N4BP2L2: variants seen among roughly 807,000 people sequenced by gnomAD.
N4BP2L2 encodes NEDD4-binding protein 2-like 2.
In N4BP2L2, 50 loss-of-function variants were observed where a neutral mutation model predicts 56.2. The observed-to-expected ratio is 0.89, with a 90% confidence interval of 0.71 to 1.13. The LOEUF (loss-of-function observed/expected upper bound fraction) is 1.13. Ranked by LOEUF, N4BP2L2 falls within the 50% of genes most tolerant of loss-of-function variation. N4BP2L2 has a pLI of 0.00. For missense variants in N4BP2L2, 689 were observed against 693.8 expected, an observed-to-expected ratio of 0.99 and a Z score of 0.08; for synonymous variants, 203 against 223.6, an observed-to-expected ratio of 0.91 and a Z score of 0.82.
Position 32,518,863 on chromosome 13 carries a change from A to G in N4BP2L2, c.1551-860T>C, listed in dbSNP as rs187296131. Among the ~76,000 whole-genome samples, 643 of 152,258 alleles carry G rather than the reference A, an allele frequency of 4.2e-3. 15 individuals are homozygous for G. Among genetic ancestry groups the G allele is most frequent in the Non-Finnish European group, 7.5e-4 (51 of 68,028 alleles). ...TATGTACTTTTCTGTATGTGAGGTT[A>G]TATGACACTAAAAAGTGGTTTAAAA... On this transcript the variant is annotated intron_variant, in intron 5 of 5. Coordinates refer to ENST00000267068, the Ensembl canonical transcript of N4BP2L2.
At chr13:32,481,289 G>T (rs2084692057) in intron 6 of N4BP2L2, among the ~76,000 whole-genome samples, 1 of 152,070 alleles carries the variant, frequency 6.6e-6, no homozygotes, top group Non-Finnish European at 1.5e-5. Flanking sequence ...TGTGGTTGAA[G>T]AGAGTGCATA....
At chr13:32,486,299 G>A (rs2085839800) in intron 6 of N4BP2L2, among the ~76,000 whole-genome samples, 1 of 152,168 alleles carries the variant, frequency 6.6e-6, no homozygotes, top group Admixed American at 6.5e-5. Context: ...AAATTGGAAA[G>A]AAAGAAGTAA....
intron 6 of N4BP2L2, among the ~76,000 whole-genome samples, chr13:32,464,065 T>C (rs1251940858): frequency 6.6e-6 from 1 of 151,272 alleles, no homozygotes; most frequent in African/African-American, 2.4e-5. Context: ...TAGGTAAATA[T>C]AAAAGTCAAT....
Position 32,492,299 on chromosome 13 carries a change from T to TTC in N4BP2L2, c.365+25557_365+25558insGA, listed in dbSNP as rs1555262907. On this transcript the variant is annotated intron_variant, in intron 6 of 9. Coordinates refer to the N4BP2L2 transcript ENST00000357505. ...TTTTTTTTTTTTTTTTTTTTTTTTT[T>TTC]TGACACAGAGTCTCGCTTTGTCGGC... is the stretch of plus-strand genomic sequence containing the variant. Among the ~76,000 whole-genome samples the TTC allele has an allele frequency of 2.5e-4, 36 of 145,610 alleles. 1 individual carries two copies. The highest frequency in any genetic ancestry group is 9.2e-4 in the African/African-American group (35 of 38,140).
chr13:32,440,915 A>G (rs2076226754), intron 7 of N4BP2L2, among the ~76,000 whole-genome samples: 1 of 137,110 alleles, frequency 7.3e-6, no homozygotes, highest in Admixed American at 7.8e-5. Context: ...CAGTGGTGTG[A>G]TCTCGGCTCA....
intron 2 of N4BP2L2, among the ~76,000 whole-genome samples, chr13:32,535,369 T>C (rs550773999): frequency 1.3e-5 from 2 of 152,338 alleles, no homozygotes; most frequent in African/African-American, 4.8e-5. Flanking sequence ...GCCATAATTA[T>C]ACGTAGTGTT....
intron 2 of N4BP2L2, among the ~76,000 whole-genome samples, chr13:32,528,379 T>A (rs2053690215): frequency 6.6e-6 from 1 of 152,220 alleles, no homozygotes; most frequent in Admixed American, 6.5e-5. Flanking sequence ...CAAAGTATAA[T>A]CAAACTTTAA....
At chr13:32,448,174 C>T (rs1248106504) in intron 6 of N4BP2L2, among the ~76,000 whole-genome samples, 1 of 152,128 alleles carries the variant, frequency 6.6e-6, no homozygotes, top group African/African-American at 2.4e-5. Flanking sequence ...ATAACAGTGA[C>T]TTGTGAAGCC....
At chr13:32,506,759 G>A (rs2091020749), downstream of N4BP2L2, 2 of 152,082 alleles carry the variant, frequency 1.3e-5, no homozygotes, top group South Asian at 2.1e-4. Flanking sequence ...GTGGTTATCA[G>A]GGCTGGAATA....
exon 2 of N4BP2L2, chr13:32,535,872 T>C (rs2056424555): frequency 6.2e-7 from 1 of 1,614,178 alleles, no homozygotes; most frequent in Non-Finnish European, 8.5e-7. Context: ...TTCACAAACC[T>C]GTCTGTTCCA....
At chr13:32,443,368 G>A (rs1849123147) in exon 7 of N4BP2L2, 2 of 1,613,890 alleles carry the variant, frequency 1.2e-6, no homozygotes, top group African/African-American at 1.3e-5. Context: ...ATGAGGTCCT[G>A]CAGGCCAGCT....
intron 6 of N4BP2L2, among the ~76,000 whole-genome samples, chr13:32,468,886 C>G (rs541558907): frequency 2.7e-4 from 41 of 152,262 alleles, no homozygotes; most frequent in Non-Finnish European, 4.4e-4. Flanking sequence ...AGCTGCTAAC[C>G]CTGTAAGGGA....
intron 2 of N4BP2L2, among the ~76,000 whole-genome samples, chr13:32,531,557 C>T (rs1386175406): frequency 6.6e-6 from 1 of 152,136 alleles, no homozygotes; most frequent in Non-Finnish European, 1.5e-5. Context: ...TTATATACTT[C>T]CTATCCTGAG....
At chr13:32,439,537 T>C (rs2075950351) in intron 7 of N4BP2L2, among the ~76,000 whole-genome samples, 1 of 152,022 alleles carries the variant, frequency 6.6e-6, no homozygotes. Context: ...TATGGACTTC[T>C]CCCCAAAAAA....
At chr13:32,528,232 C>G (rs2053649287) in intron 2 of N4BP2L2, among the ~76,000 whole-genome samples, 1 of 152,098 alleles carries the variant, frequency 6.6e-6, no homozygotes, top group Non-Finnish European at 1.5e-5. Context: ...TAAGCCTAAG[C>G]AAGCAATTCA....
downstream of N4BP2L2, chr13:32,508,137 C>G (rs1373682791): frequency 6.6e-6 from 1 of 151,978 alleles, no homozygotes; most frequent in Non-Finnish European, 1.5e-5. Flanking sequence ...GTGAATAATG[C>G]CCGTAAATAC....
chr13:32,492,114 AATGTT>A (rs1380953974), intron 6 of N4BP2L2, among the ~76,000 whole-genome samples: 1 of 152,120 alleles, frequency 6.6e-6, no homozygotes, highest in Non-Finnish European at 1.5e-5. Context: ...AGAAAAGAAA[AATGTT>A]ATATTACGTA....
exon 6 of N4BP2L2, chr13:32,516,856 G>T: frequency 1.0e-6 from 1 of 979,426 alleles, no homozygotes; most frequent in Non-Finnish European, 1.2e-6. Context: ...GTAAAGCTTG[G>T]TTTGAAGGCA....
rs150942203 is a variant in N4BP2L2, at chr13:32,517,460, T to C, written c.*342A>G. 2.7e-4 allele frequency: 270 copies of C among 1,008,152 alleles called. No individual in the cohort carries two copies. The African/African-American group carries it at 4.3e-3, about 16-fold the overall frequency. 62.5% of individuals were successfully genotyped at this position (1,008,152 alleles called of 1,614,324 possible). A position where few individuals can be genotyped will look rare whatever the true frequency, so the allele number is the denominator to read the frequency against. On this transcript the variant is annotated 3_prime_UTR_variant, in exon 6 of 6. Coordinates refer to ENST00000267068, the Ensembl canonical transcript of N4BP2L2. ...TTTTATGAAAAGTTAGATTTAGATA[T>C]GAACTATTAAAAAACTGTTCAATAG...
Sources: allele counts gnomAD v4.1 joint callset (sites outside exome capture counted in the v4.1 genomes callset), GRCh38; gene constraint gnomAD v4.1.1; transcripts MANE v1.5; gene names NCBI Gene and HGNC (gene_info 2026-07-23, HGNC 2026-07-21).